PTPRN2: variants seen among roughly 807,000 people sequenced by gnomAD.
PTPRN2 encodes the protein protein tyrosine phosphatase receptor type N2, also known as receptor-type tyrosine-protein phosphatase N2.
PTPRN2 carries 74 observed loss-of-function variants against 118.8 expected under a neutral mutation model. That is an observed-to-expected ratio of 0.62 (90% CI 0.52 to 0.76). PTPRN2 has a LOEUF of 0.76. Among genes scored for constraint, PTPRN2 ranks in the 30% least tolerant of loss-of-function variants. PTPRN2 has a pLI of 0.00. For synonymous variants in PTPRN2, 641 were observed against 608.0 expected, an observed-to-expected ratio of 1.05 and a Z score of -0.80; for missense variants, 1,481 against 1,394.4, an observed-to-expected ratio of 1.06 and a Z score of -0.99.
intron 2 of PTPRN2, among the ~76,000 whole-genome samples, chr7:158,412,816 A>G (rs1489290276): frequency 1.5e-4 from 13 of 85,230 alleles, no homozygotes; most frequent in African/African-American, 3.4e-4. Flanking sequence ...CCATCTCAGC[A>G]CCCTCCTCAG....
Position 157,801,564 on chromosome 7 carries a change from A to G in PTPRN2, c.1788+97109T>C, listed in dbSNP as rs1805307144. Among the ~76,000 whole-genome samples, 1 of 152,176 alleles carries G rather than the reference A, an allele frequency of 6.6e-6. No individual in the cohort carries two copies. The highest frequency in any genetic ancestry group is 6.5e-5 in the Admixed American group (1 of 15,288). ...AATCTGTGGGTGATAGAGTATAGGT[A>G]AAAACATCTTAGCCTGCATGAAAAC... is the stretch of plus-strand genomic sequence containing the variant. On this transcript the variant is annotated intron_variant, in intron 12 of 22. Transcript: ENST00000389418. The surrounding 1 kb of genome is among the most constrained non-coding windows in gnomAD (Gnocchi z 4.2).
intron 3 of PTPRN2, among the ~76,000 whole-genome samples, chr7:158,223,195 G>A (rs1828490983): frequency 6.6e-6 from 1 of 152,032 alleles, no homozygotes; most frequent in South Asian, 2.1e-4. Context: ...TATCTACCCA[G>A]AAAGAAATAA....
intron 13 of PTPRN2, among the ~76,000 whole-genome samples, chr7:157,661,388 G>A (rs1795878712): frequency 6.6e-6 from 1 of 152,190 alleles, no homozygotes; most frequent in Admixed American, 6.5e-5. Context: ...TGGGAGAAGG[G>A]TGTGCCCACA....
At chr7:158,441,317 AATGAAGGTGATGGTGATGGTGATCAGTG>A (rs1817145188) in intron 2 of PTPRN2, among the ~76,000 whole-genome samples, 5 of 99,366 alleles carry the variant, frequency 5.0e-5, no homozygotes, top group South Asian at 3.2e-4. Flanking sequence ...TGGTGATGGC[AATGAAGGTGATGGTGATGGTGATCAGTG>A]ATGGTGGTGA....
At chr7:158,256,864 T>C (rs1189966818) in intron 3 of PTPRN2, among the ~76,000 whole-genome samples, 2 of 152,140 alleles carry the variant, frequency 1.3e-5, no homozygotes, top group Non-Finnish European at 2.9e-5. Context: ...AATAATCAAA[T>C]CTATCTATAA....
At chr7:157,995,135 C>T (rs1228841861) in intron 11 of PTPRN2, among the ~76,000 whole-genome samples, 1 of 150,286 alleles carries the variant, frequency 6.7e-6, no homozygotes, top group Non-Finnish European at 1.5e-5. Flanking sequence ...CGCTGCGTCC[C>T]CAGCTTACAA....
intron 12 of PTPRN2, among the ~76,000 whole-genome samples, chr7:157,745,773 G>T (rs1265803813): frequency 6.6e-6 from 1 of 152,156 alleles, no homozygotes; most frequent in Non-Finnish European, 1.5e-5. Context: ...CCAACGATCT[G>T]GTTCCTACCC....
intron 2 of PTPRN2, among the ~76,000 whole-genome samples, chr7:158,393,042 G>A (rs1485724041): frequency 6.6e-6 from 1 of 152,114 alleles, no homozygotes; most frequent in African/African-American, 2.4e-5. Context: ...CCAGGCCCCT[G>A]TGCCTGCTGC....
Position 158,438,099 on chromosome 7 carries a change from C to T in PTPRN2, c.163+51636G>A, listed in dbSNP as rs924493357. Among the ~76,000 whole-genome samples the T allele has an allele frequency of 1.3e-5, 2 of 152,078 alleles. No homozygotes were observed. Among genetic ancestry groups the T allele is most frequent in the African/African-American group, 4.8e-5 (2 of 41,430 alleles). On this transcript the variant is annotated intron_variant, in intron 2 of 22. Transcript: ENST00000389418. The surrounding 1 kb of genome is among the most constrained non-coding windows in gnomAD (Gnocchi z 4.7). ...TGGGTCTTTTTTAAGTTTTTTTGGC[C>T]AGGGGCTGTGGCTCACACCTGTCAT...
At chr7:157,577,368 G>A (rs914871980) in intron 18 of PTPRN2, among the ~76,000 whole-genome samples, 4 of 152,170 alleles carry the variant, frequency 2.6e-5, no homozygotes, top group Non-Finnish European at 5.9e-5. Flanking sequence ...TCCTGCTGTG[G>A]AGCTTTGGCA....
intron 12 of PTPRN2, among the ~76,000 whole-genome samples, chr7:157,839,340 G>A (rs778305218): frequency 9.2e-5 from 14 of 152,168 alleles, no homozygotes; most frequent in Non-Finnish European, 1.6e-4. Context: ...CTGCATGTGA[G>A]TGTATGACTG....
chr7:157,778,624 G>C (rs1174760374), intron 12 of PTPRN2, among the ~76,000 whole-genome samples: 1 of 151,794 alleles, frequency 6.6e-6, no homozygotes. Context: ...GGTATCGAAT[G>C]CCTATGTAGA....
At chr7:158,138,127 G>C (rs1315339737) in intron 7 of PTPRN2, among the ~76,000 whole-genome samples, 167 bp downstream of exon 7, 1 of 152,214 alleles carries the variant, frequency 6.6e-6, no homozygotes, top group Non-Finnish European at 1.5e-5. Flanking sequence ...TGTTAAGAAA[G>C]CTTTTAGAGG....
intron 12 of PTPRN2, among the ~76,000 whole-genome samples, chr7:157,721,593 G>A (rs1173919197): frequency 2.0e-5 from 3 of 152,200 alleles, no homozygotes; most frequent in South Asian, 2.1e-4. Context: ...CAGTGTCAGC[G>A]TCCACTGAGT....
intron 1 of PTPRN2, among the ~76,000 whole-genome samples, chr7:158,578,763 T>TTGTTG (rs1563453016): frequency 6.6e-6 from 1 of 151,346 alleles, no homozygotes; most frequent in Non-Finnish European, 1.5e-5. Context: ...TCTTTTTTTT[T>TTGTTG]TTGTTGTTGT....
intron 12 of PTPRN2, among the ~76,000 whole-genome samples, chr7:157,722,557 G>A (rs894751366): frequency 5.3e-5 from 8 of 152,346 alleles, no homozygotes; most frequent in Admixed American, 1.3e-4. Flanking sequence ...GAGGCTTTGC[G>A]TTTGCACTGA....
intron 3 of PTPRN2, among the ~76,000 whole-genome samples, chr7:158,291,603 G>A (rs1800123687): frequency 6.6e-6 from 1 of 152,220 alleles, no homozygotes; most frequent in African/African-American, 2.4e-5. Flanking sequence ...AACCCTGACA[G>A]ATGAAACTGA....
intron 21 of PTPRN2, among the ~76,000 whole-genome samples, chr7:157,567,309 A>G (rs1799537339): frequency 6.6e-6 from 1 of 152,214 alleles, no homozygotes; most frequent in Admixed American, 6.5e-5. Flanking sequence ...GCACATTCCC[A>G]CCACTAAACT....
intron 9 of PTPRN2, among the ~76,000 whole-genome samples, chr7:158,113,157 G>A (rs1262602519): frequency 6.6e-6 from 1 of 152,136 alleles, no homozygotes; most frequent in Admixed American, 6.5e-5. Flanking sequence ...GAGAAGGGCC[G>A]GGCCTCAGAT....
Sources: gnomAD v4.1 joint callset for allele counts (sites outside exome capture counted in the v4.1 genomes callset) on GRCh38, gnomAD v4.1.1 for gene constraint, Gnocchi (gnomAD v3.1) non-coding constraint, MANE v1.5 for transcripts, NCBI Gene and HGNC (gene_info 2026-07-23, HGNC 2026-07-21) for gene names.